ULK4: variants seen among roughly 807,000 people sequenced by gnomAD.
ULK4 encodes inactive serine/threonine-protein kinase ULK4.
In ULK4, 133 loss-of-function variants were observed where a neutral mutation model predicts 160.6. That is an observed-to-expected ratio of 0.83 (90% CI 0.72 to 0.96). The LOEUF (loss-of-function observed/expected upper bound fraction) is 0.96. ULK4 is among the 40% of genes least tolerant of loss of function. ULK4 has a pLI of 0.00. For missense variants in ULK4, 1,580 were observed against 1,499.5 expected, an observed-to-expected ratio of 1.05 and a Z score of -0.89; for synonymous variants, 534 against 539.8, an observed-to-expected ratio of 0.99 and a Z score of 0.15.
At chr3:41,369,767 C>A (rs965045944) in intron 35 of ULK4, among the ~76,000 whole-genome samples, 2 of 146,650 alleles carry the variant, frequency 1.4e-5, no homozygotes, top group Non-Finnish European at 1.5e-5. Flanking sequence ...GCACTCCAGC[C>A]TGGGTGACAG....
rs995547267 is a variant in ULK4, at chr3:41,709,079, C to T, written c.2635-3774G>A. On this transcript the variant is annotated intron_variant, in intron 25 of 36. Coordinates refer to ENST00000301831, the MANE Select transcript of ULK4 (RefSeq NM_017886.4). ...CAAATGCATCTATATGAATGGAAAA[C>T]GTAAGAAAACAACAATATGTTAACA... 5.3e-5 allele frequency among the ~76,000 whole-genome samples: 8 copies of T among 152,094 alleles called. No individual in the cohort carries two copies. In the East Asian group the frequency reaches 1.4e-3, roughly 26 times the overall value.
chr3:41,562,060 G>T (rs554087300), intron 32 of ULK4, among the ~76,000 whole-genome samples: 2 of 152,150 alleles, frequency 1.3e-5, no homozygotes, highest in African/African-American at 4.8e-5. Context: ...GGTACGTTGT[G>T]TCTTTGTTCT....
chr3:41,830,837 G>A (rs1412439797), intron 18 of ULK4, among the ~76,000 whole-genome samples: 1 of 151,516 alleles, frequency 6.6e-6, no homozygotes, highest in Non-Finnish European at 1.5e-5. Flanking sequence ...ATTTTCTCGG[G>A]GGGTATACAA....
intron 27 of ULK4, among the ~76,000 whole-genome samples, chr3:41,692,876 A>G (rs1350316427): frequency 6.6e-6 from 1 of 152,172 alleles, no homozygotes; most frequent in East Asian, 1.9e-4. Context: ...ATGTGTGAAT[A>G]CATATGCACA....
chr3:41,328,504 A>G (rs2080379159), intron 35 of ULK4, among the ~76,000 whole-genome samples: 2 of 152,180 alleles, frequency 1.3e-5, no homozygotes, highest in Admixed American at 1.3e-4. Context: ...GCAAGAGCAG[A>G]GAGAGGTGAC....
At chr3:41,373,492 C>T (rs947063423) in intron 35 of ULK4, among the ~76,000 whole-genome samples, 1 of 152,184 alleles carries the variant, frequency 6.6e-6, no homozygotes, top group African/African-American at 2.4e-5. Flanking sequence ...TCACTCAAAA[C>T]GGCACAACTA....
rs140978631 is a variant in ULK4, at chr3:41,605,459, A to G, written c.3120+10210T>C. Among the ~76,000 whole-genome samples the G allele has an allele frequency of 8.8e-3, 1,333 of 152,100 alleles. 19 individuals are homozygous for G. Among genetic ancestry groups the G allele is most frequent in the African/African-American group, 0.03 (1,251 of 41,524 alleles). ...AAAAAAAGCTGCAGTGGTGATATTA[A>G]TATCACATAAAATAAATTTCAGGAC... is the stretch of plus-strand genomic sequence containing the variant. On this transcript the variant is annotated intron_variant, in intron 31 of 36. Coordinates refer to ENST00000301831, the MANE Select transcript of ULK4 (RefSeq NM_017886.4).
chr3:41,867,558 C>CA (rs1559618811), intron 17 of ULK4, among the ~76,000 whole-genome samples: 4 of 152,176 alleles, frequency 2.6e-5, no homozygotes, highest in Non-Finnish European at 4.4e-5. Flanking sequence ...TTTCAGTAGA[C>CA]AGGGTTTCTA....
chr3:41,776,622 T>A (rs1037340592), intron 21 of ULK4, among the ~76,000 whole-genome samples: 1 of 114,380 alleles, frequency 8.7e-6, no homozygotes, highest in African/African-American at 3.0e-5. Flanking sequence ...TTGAAAGTTT[T>A]TAGCATGAAG....
chr3:41,742,945 G>GA (rs905802600), intron 22 of ULK4, among the ~76,000 whole-genome samples: 2 of 150,676 alleles, frequency 1.3e-5, no homozygotes, highest in Non-Finnish European at 3.0e-5. Context: ...ATAGACAAAA[G>GA]AAAAAAAATA....
intron 35 of ULK4, among the ~76,000 whole-genome samples, chr3:41,306,650 C>G (rs975661618): frequency 9.9e-5 from 15 of 152,062 alleles, no homozygotes; most frequent in African/African-American, 3.1e-4. Context: ...GAGGTGTGCC[C>G]AACAGCTCAT....
At chr3:41,915,028 T>C (rs574602455) in intron 8 of ULK4, among the ~76,000 whole-genome samples, 1 of 152,224 alleles carries the variant, frequency 6.6e-6, no homozygotes, top group East Asian at 1.9e-4. Context: ...AAAATATGCA[T>C]AATGTACCAT....
intron 36 of ULK4, 64 bp from the exon 37 acceptor site, chr3:41,247,056 TC>T: frequency 1.3e-6 from 2 of 1,514,304 alleles, no homozygotes; most frequent in Admixed American, 1.9e-5. Flanking sequence ...CTCCCCCCTT[TC>T]AAAGGGGCCA....
chr3:41,772,585 A>C (rs1197551694), intron 21 of ULK4, among the ~76,000 whole-genome samples: 2 of 152,222 alleles, frequency 1.3e-5, no homozygotes, highest in African/African-American at 4.8e-5. Flanking sequence ...TTAATAGCTT[A>C]TCAACCAAAA....
At chr3:41,833,842 C>A (rs964621160) in intron 18 of ULK4, among the ~76,000 whole-genome samples, 2 of 151,948 alleles carry the variant, frequency 1.3e-5, no homozygotes, top group Non-Finnish European at 2.9e-5. Context: ...TATTTAAATG[C>A]GCTTTATTTC....
intron 16 of ULK4, among the ~76,000 whole-genome samples, chr3:41,894,893 T>C (rs906372389): frequency 4.6e-5 from 7 of 152,180 alleles, no homozygotes; most frequent in Admixed American, 3.3e-4. Flanking sequence ...TAACACTTGA[T>C]CTACTGTGCT....
chr3:41,868,294 T>C (rs1696969323), intron 17 of ULK4, among the ~76,000 whole-genome samples: 1 of 152,196 alleles, frequency 6.6e-6, no homozygotes, highest in African/African-American at 2.4e-5. Flanking sequence ...AATTAAGGAT[T>C]GTTAATGCTT....
In ULK4 at chr3:41,747,265, G is replaced by A. The variant is rs1231779922; in HGVS notation, c.2321+7096C>T. Among the ~76,000 whole-genome samples, 8 of 151,870 alleles carry A rather than the reference G, an allele frequency of 5.3e-5. No individual in the cohort carries two copies. The South Asian group carries it at 6.2e-4, about 12-fold the overall frequency. ...AAACCGTATATCTGACAGTGGACTC[G>A]TGTCTAAAATATATAAAGAACTCTC... On this transcript the variant is annotated intron_variant, in intron 22 of 36. Coordinates refer to ENST00000301831, the MANE Select transcript of ULK4 (RefSeq NM_017886.4).
chr3:41,615,552 T>C (rs2032922928), intron 31 of ULK4, 117 bp downstream of exon 31: 3 of 914,916 alleles, frequency 3.3e-6, no homozygotes, highest in African/African-American at 1.7e-5. Flanking sequence ...GTGATGATGA[T>C]GGACGTACAA....
Sources: allele counts gnomAD v4.1 joint callset (sites outside exome capture counted in the v4.1 genomes callset), GRCh38; gene constraint gnomAD v4.1.1; transcripts MANE v1.5; gene names NCBI Gene and HGNC (gene_info 2026-07-23, HGNC 2026-07-21).